Variants in GRM5 observed in about 807,000 individuals in gnomAD.
The protein encoded by GRM5 is glutamate metabotropic receptor 5, also known as metabotropic glutamate receptor 5.
A neutral mutation model predicts 83.1 loss-of-function variants in GRM5; 19 were observed. The ratio of observed to expected loss-of-function variants is 0.23; its 90% CI spans 0.16 to 0.34. The LOEUF (loss-of-function observed/expected upper bound fraction) is 0.34. GRM5 is among the 10% of genes least tolerant of loss of function. The probability of loss-of-function intolerance (pLI) is 1.00; values close to 1 mark genes in which losing one functional copy is unlikely to be tolerated. For synonymous variants in GRM5, 675 were observed against 633.6 expected, an observed-to-expected ratio of 1.07 and a Z score of -0.98; for missense variants, 1,160 against 1,588.3, an observed-to-expected ratio of 0.73 and a Z score of 4.58.
chr11:88,745,267 C>A (rs538722105), intron 3 of GRM5, among the ~76,000 whole-genome samples: 54 of 147,984 alleles, frequency 3.6e-4, no homozygotes, highest in Non-Finnish European at 1.6e-4. Flanking sequence ...GTGGTACAAT[C>A]ACAGCTCACT....
intron 8 of GRM5, among the ~76,000 whole-genome samples, chr11:88,526,857 G>A (rs1178271813): frequency 6.6e-6 from 1 of 151,994 alleles, no homozygotes; most frequent in African/African-American, 2.4e-5. Context: ...TAAATCCTAG[G>A]TAATGGACTT....
intron 2 of GRM5, among the ~76,000 whole-genome samples, chr11:89,024,782 C>A (rs7125164): frequency 0.59 from 89,096 of 151,986 alleles, 29,029 homozygotes; most frequent in African/African-American, 0.89. Context: ...ATGAATCAAG[C>A]TTTGAAATAT....
rs560236486 is a variant in GRM5, at chr11:88,801,514, T to C, written c.911+48392A>G. ...TCTGCTAGAACTGCACAGAACAATT[T>C]AGTTATTTGAGACAAATATATCTAC... On this transcript the variant is annotated intron_variant, in intron 3 of 9. Coordinates refer to ENST00000305447, the MANE Select transcript of GRM5 (RefSeq NM_001143831.3). 1.8e-4 allele frequency among the ~76,000 whole-genome samples: 27 copies of C among 152,294 alleles called. 1 individual carries two copies. In the East Asian group the frequency reaches 5.0e-3, roughly 28 times the overall value.
chr11:88,989,073 A>AT (rs1377020401), intron 2 of GRM5, among the ~76,000 whole-genome samples: 7 of 151,552 alleles, frequency 4.6e-5, no homozygotes, highest in African/African-American at 1.7e-4. Flanking sequence ...GACAAATTGG[A>AT]TGAAGAGTCA....
Position 88,604,735 on chromosome 11 carries a change from A to T in GRM5, c.1377T>A (p.Asn459Lys). The change falls in exon 5 of 10, where the codon AAT becomes AAA. Residue 459 changes from asparagine to lysine, a missense_variant. Asn to Lys is a moderately conservative substitution (Grantham distance 94). Around this residue, in one of 9 missense-constraint regions of GRM5, gnomAD observed 132 missense variants for 197.6 expected, o/e 0.67. Transcript: ENST00000305447. ...CACAATACCTTCCTGGAGAGTCTCC[A>T]TTCTCATCGAATAGGATCGTATCTC... The part of the protein sequence containing the change: ...VSGDTILFDE[N>K]GDSPGRYEIM... 6.2e-7 allele frequency: 1 copy of T among 1,612,258 alleles called. No homozygotes were observed. Among genetic ancestry groups the T allele is most frequent in the Non-Finnish European group, 8.5e-7 (1 of 1,178,362 alleles).
chr11:88,633,236 C>T (rs996395449), intron 4 of GRM5, among the ~76,000 whole-genome samples: 1 of 152,046 alleles, frequency 6.6e-6, no homozygotes, highest in Non-Finnish European at 1.5e-5. Flanking sequence ...TTAAAAACTG[C>T]ATTGTTATTA....
At chr11:88,519,497 A>G (rs1941620697) in intron 9 of GRM5, among the ~76,000 whole-genome samples, 1 of 152,140 alleles carries the variant, frequency 6.6e-6, no homozygotes, top group Non-Finnish European at 1.5e-5. Flanking sequence ...TTGGGCTCTA[A>G]TATGGGCTTT....
At chr11:88,823,228 T>A (rs1489221814) in intron 3 of GRM5, among the ~76,000 whole-genome samples, 2 of 151,128 alleles carry the variant, frequency 1.3e-5, no homozygotes, top group Non-Finnish European at 3.0e-5. Flanking sequence ...ATTATATTCC[T>A]TTGTGGAATA....
At chr11:88,582,383 C>A (rs1943229531) in intron 7 of GRM5, among the ~76,000 whole-genome samples, 1 of 152,080 alleles carries the variant, frequency 6.6e-6, no homozygotes, top group South Asian at 2.1e-4. Flanking sequence ...AGGTTAGGTA[C>A]CTTCCATTTA....
chr11:88,581,098 G>A (rs899289989), intron 7 of GRM5, among the ~76,000 whole-genome samples: 1 of 152,050 alleles, frequency 6.6e-6, no homozygotes, highest in African/African-American at 2.4e-5. Context: ...GGGCGACAGA[G>A]CAAGATTCCA....
intron 8 of GRM5, among the ~76,000 whole-genome samples, chr11:88,539,776 G>A (rs1037262339): frequency 4.6e-5 from 7 of 152,008 alleles, no homozygotes; most frequent in Non-Finnish European, 8.8e-5. Flanking sequence ...CCTAATTTAC[G>A]CTGCTGCGAT....
At chr11:88,532,046 T>C (rs1942023302) in intron 8 of GRM5, among the ~76,000 whole-genome samples, 4 of 152,084 alleles carry the variant, frequency 2.6e-5, no homozygotes, top group African/African-American at 7.2e-5. Context: ...AAACTATTCA[T>C]AGAAAAAAAC....
intron 2 of GRM5, among the ~76,000 whole-genome samples, chr11:88,926,826 G>A (rs1445367707): frequency 6.6e-6 from 1 of 152,060 alleles, no homozygotes; most frequent in Non-Finnish European, 1.5e-5. Context: ...CACCTAGAAT[G>A]GCTCTTTACA....
At chr11:88,968,708 A>T (rs553182495) in intron 2 of GRM5, among the ~76,000 whole-genome samples, 3 of 152,134 alleles carry the variant, frequency 2.0e-5, no homozygotes, top group African/African-American at 7.2e-5. Flanking sequence ...AGTGTTCAAG[A>T]TTTTTTTAGG....
chr11:88,659,566 A>G (rs1366198774), intron 3 of GRM5, among the ~76,000 whole-genome samples: 1 of 152,196 alleles, frequency 6.6e-6, no homozygotes, highest in Non-Finnish European at 1.5e-5. Context: ...GTATGCTTAT[A>G]CTAAAAGTAT....
At chr11:88,674,310 T>G (rs897503870) in intron 3 of GRM5, among the ~76,000 whole-genome samples, 1 of 151,948 alleles carries the variant, frequency 6.6e-6, no homozygotes, top group Non-Finnish European at 1.5e-5. Flanking sequence ...AGATATTTCC[T>G]AGAGATTTGT....
chr11:88,783,617 C>T (rs545087306), intron 3 of GRM5, among the ~76,000 whole-genome samples: 22 of 151,886 alleles, frequency 1.4e-4, no homozygotes, highest in Non-Finnish European at 2.8e-4. Flanking sequence ...ACTTTTAATT[C>T]AAATGTTTTG....
chr11:88,913,585 CTCTTT>C (rs1565289377), intron 2 of GRM5, among the ~76,000 whole-genome samples: 365 of 111,940 alleles, frequency 3.3e-3, no homozygotes, highest in African/African-American at 0.011. Flanking sequence ...TTCTCTCTCT[CTCTTT>C]TTTTTTTTTT....
chr11:88,616,789 A>C (rs1938497546), intron 4 of GRM5, among the ~76,000 whole-genome samples: 1 of 152,148 alleles, frequency 6.6e-6, no homozygotes, highest in East Asian at 1.9e-4. Context: ...CATTCAATAC[A>C]AAAATTGCCT....
Sources: gnomAD v4.1 joint callset for allele counts (sites outside exome capture counted in the v4.1 genomes callset) on GRCh38, gnomAD v4.1.1 for gene constraint, gnomAD v4.1.1 regional missense constraint, MANE v1.5 for transcripts, NCBI Gene and HGNC (gene_info 2026-07-23, HGNC 2026-07-21) for gene names.